CRISPLD1: variants seen among roughly 807,000 people sequenced by gnomAD.
The protein encoded by CRISPLD1 is cysteine-rich secretory protein LCCL domain-containing 1.
CRISPLD1 carries 60 observed loss-of-function variants against 77.5 expected under a neutral mutation model. That is an observed-to-expected ratio of 0.77 (90% CI 0.63 to 0.96). The LOEUF (loss-of-function observed/expected upper bound fraction) is 0.96, where lower values mean the gene tolerates loss of function less well. CRISPLD1 is among the 40% of genes least tolerant of loss of function. CRISPLD1 has a pLI of 0.00. For missense variants in CRISPLD1, 623 were observed against 615.8 expected (o/e 1.01, Z -0.12); for synonymous variants, 195 against 200.1 (o/e 0.97, Z 0.22).
chr8:75,016,866 T>G lies in CRISPLD1; in HGVS notation c.869-15T>G. ...TTATATTATTTAAGTTATTTAGGTA[T>G]TTTTTTCTTTGTAGCCCAAATTGTT... On this transcript the variant is annotated splice_polypyrimidine_tract_variant and intron_variant, in intron 7 of 14. Transcript: ENST00000262207. The G allele has an allele frequency of 6.4e-7, 1 of 1,556,084 alleles. No homozygotes were observed. Among genetic ancestry groups the G allele is most frequent in the Non-Finnish European group, 8.7e-7 (1 of 1,148,884 alleles).
At position 75,016,915 on chromosome 8, in the gene CRISPLD1, T is replaced by C; in HGVS notation, c.903T>C (p.Asp301=). ...QIVSCEVRLR[D]QCKGTTCNRY... ...TTTCTTGTGAAGTAAGATTAAGAGA[T>C]CAGTGCAAAGGAACAACCTGCAATA... The change falls in exon 8 of 15, where the codon GAT becomes GAC. Residue 301 remains aspartate (D), a synonymous_variant. Transcript: ENST00000262207. 6.4e-7 allele frequency: 1 copy of C among 1,572,848 alleles called. No homozygotes were observed. Among genetic ancestry groups the C allele is most frequent in the Non-Finnish European group, 8.6e-7 (1 of 1,157,696 alleles).
In CRISPLD1 at chr8:74,986,006, G is replaced by C; in HGVS notation, c.19G>C (p.Glu7Gln). Residue 7 changes from glutamate (E) to glutamine (Q), a missense_variant, in exon 2 of 15, where the codon GAG (glutamate) becomes CAG (glutamine). Transcript: ENST00000262207. ...ATTCATTATGAAGTGTACCGCGCGG[G>C]AGTGGCTCAGAGTAACCACAGTGCT... The part of the protein sequence containing the change: MKCTAR[E>Q]WLRVTTVLFM... The C allele has an allele frequency of 6.2e-7, 1 of 1,614,072 alleles. No homozygotes were observed. The highest frequency in any genetic ancestry group is 8.5e-7 in the Non-Finnish European group (1 of 1,179,950).
chr8:75,025,723 A>G (rs536161644), intron 13 of CRISPLD1, 102 bp downstream of exon 13: 56 of 466,648 alleles, frequency 1.2e-4, no homozygotes, highest in African/African-American at 1.0e-3. Flanking sequence ...GAGCGAAGAA[A>G]CAGACTTTGT....
At chr8:74,998,912 C>A (rs1299208238) in intron 2 of CRISPLD1, among the ~76,000 whole-genome samples, 1 of 151,728 alleles carries the variant, frequency 6.6e-6, no homozygotes. Flanking sequence ...ACGAGATAAT[C>A]AAAGACATGT....
At chr8:75,004,994 A>G (rs148171202) in intron 2 of CRISPLD1, among the ~76,000 whole-genome samples, 3 of 152,258 alleles carry the variant, frequency 2.0e-5, no homozygotes, top group African/African-American at 7.2e-5. Flanking sequence ...TGTTGTATTT[A>G]TCTGTTATTA....
chr8:75,009,149 A>C (rs1023727604), intron 2 of CRISPLD1, among the ~76,000 whole-genome samples: 1 of 152,036 alleles, frequency 6.6e-6, no homozygotes, highest in Admixed American at 6.6e-5. Flanking sequence ...GAGGTGTCTC[A>C]TGATTGCCCT....
In CRISPLD1 at chr8:75,017,102, C is replaced by T. The variant is rs1396155374; in HGVS notation, c.985C>T (p.His329Tyr). ...DSKAKVIGSV[H>Y]YEMQSSICRA... The stretch of plus-strand genomic sequence containing the variant: ...TAAAGCTAAAGTTATTGGCAGTGTA[C>T]ATTATGAAATGGTAAGTGTTATAAA... The change falls in exon 9 of 15, where the codon CAT (histidine) becomes TAT (tyrosine). Residue 329 changes from histidine to tyrosine, a missense_variant. Transcript: ENST00000262207. 19 of 1,610,750 alleles carry T rather than the reference C, an allele frequency of 1.2e-5. No individual in the cohort carries two copies. The highest frequency in any genetic ancestry group is 3.3e-4 in the Middle Eastern group (2 of 6,014).
intron 12 of CRISPLD1, among the ~76,000 whole-genome samples, chr8:75,021,712 T>C (rs184604762): frequency 1.1e-4 from 16 of 152,272 alleles, no homozygotes; most frequent in African/African-American, 3.8e-4. Context: ...AATATTTTTT[T>C]CAGAATTCTC....
intron 2 of CRISPLD1, among the ~76,000 whole-genome samples, chr8:75,011,133 T>C (rs1587015831): frequency 6.6e-6 from 1 of 151,728 alleles, no homozygotes; most frequent in East Asian, 1.9e-4. Context: ...TTTATTATTA[T>C]TATTATTATA....
Position 75,032,173 on chromosome 8 carries a change from TA to T in CRISPLD1, c.1452-17del, listed in dbSNP as rs745883375. Reference sequence around the variant, plus strand: ...AGATGACATCAATATACTTTTCATATATTTTTTTTTTTTGCAGTTTACAGAA... The same window carrying T: ...AGATGACATCAATATACTTTTCATATTTTTTTTTTTTTGCAGTTTACAGAA... On this transcript the variant is annotated splice_polypyrimidine_tract_variant and intron_variant, in intron 14 of 14. Coordinates refer to ENST00000262207, the MANE Select transcript of CRISPLD1 (RefSeq NM_031461.6). The T allele has an allele frequency of 1.2e-4, 179 of 1,528,188 alleles. No homozygotes were observed. The highest frequency in any genetic ancestry group is 3.1e-4 in the South Asian group (27 of 86,290). 94.7% of individuals were successfully genotyped at this position (1,528,188 alleles called of 1,614,324 possible).
chr8:75,022,795 A>G (rs1176184053), intron 12 of CRISPLD1, among the ~76,000 whole-genome samples: 4 of 152,022 alleles, frequency 2.6e-5, no homozygotes, highest in African/African-American at 4.8e-5. Flanking sequence ...GCTCAAGAAG[A>G]CCTTGAAGAA....
intron 2 of CRISPLD1, among the ~76,000 whole-genome samples, chr8:74,999,582 G>A (rs999335432): frequency 1.3e-5 from 2 of 152,088 alleles, no homozygotes; most frequent in Admixed American, 6.6e-5. Flanking sequence ...TGTGGTGGCC[G>A]CTGTTCTAGC....
chr8:75,001,933 A>T (rs895321521), intron 2 of CRISPLD1, among the ~76,000 whole-genome samples: 5 of 152,216 alleles, frequency 3.3e-5, no homozygotes, highest in African/African-American at 1.2e-4. Flanking sequence ...AATTATTTCC[A>T]AACTTTGAGT....
In CRISPLD1 at chr8:75,012,454, A is replaced by G. The variant is rs1365661988; in HGVS notation, c.280A>G (p.Arg94Gly). ...EYMTWDVELE[R>G]SAESWAESCL... ...GTAGACATGGGATGTAGAGCTGGAAAGATCTGCAGAATCCTGGGCTGAAAG... is the reference window on the plus strand; with the variant it reads ...GTAGACATGGGATGTAGAGCTGGAAGGATCTGCAGAATCCTGGGCTGAAAG... The change falls in exon 3 of 15, where the codon AGA becomes GGA. Residue 94 changes from arginine (R) to glycine (G), a missense_variant. By Grantham distance (125) the Arg-to-Gly change is moderately radical. Coordinates refer to ENST00000262207, the MANE Select transcript of CRISPLD1 (RefSeq NM_031461.6). The G allele has an allele frequency of 1.2e-6, 2 of 1,612,466 alleles. No individual in the cohort carries two copies. The highest frequency in any genetic ancestry group is 1.1e-5 in the South Asian group (1 of 91,052).
rs755789869 is a variant in CRISPLD1, at chr8:75,034,048, C to T, written c.*1806C>T. On this transcript the variant is annotated 3_prime_UTR_variant, in exon 15 of 15. Transcript: ENST00000262207. Reference sequence around the variant, plus strand: ...AGATCTCCATCATCAATTCCACTTACTATTGTAATACCTTCAGCTGGAGCC... The same window carrying T: ...AGATCTCCATCATCAATTCCACTTATTATTGTAATACCTTCAGCTGGAGCC... The T allele has an allele frequency of 1.3e-5, 2 of 152,060 alleles. No individual in the cohort carries two copies. Among genetic ancestry groups the T allele is most frequent in the Admixed American group, 1.3e-4 (2 of 15,266 alleles). 9.4% of individuals were successfully genotyped at this position (152,060 alleles called of 1,614,324 possible).
intron 2 of CRISPLD1, among the ~76,000 whole-genome samples, chr8:75,011,847 A>G (rs1233658433): frequency 6.6e-6 from 1 of 152,150 alleles, no homozygotes; most frequent in African/African-American, 2.4e-5. Context: ...TCTCATGAAA[A>G]AGATAGATAT....
intron 2 of CRISPLD1, among the ~76,000 whole-genome samples, chr8:75,008,320 T>A (rs1420572843): frequency 6.6e-6 from 1 of 152,116 alleles, no homozygotes; most frequent in Non-Finnish European, 1.5e-5. Context: ...TTCAGAGGAA[T>A]TAAAAAAGAA....
chr8:75,015,032 C>G (rs1813004306), intron 6 of CRISPLD1, 120 bp downstream of exon 6: 3 of 486,158 alleles, frequency 6.2e-6, no homozygotes, highest in South Asian at 4.8e-5. Context: ...ATCTAGAACT[C>G]TATTTCAAAT....
At chr8:75,025,950 A>G (rs1813227459) in intron 13 of CRISPLD1, among the ~76,000 whole-genome samples, 1 of 152,204 alleles carries the variant, frequency 6.6e-6, no homozygotes, top group African/African-American at 2.4e-5. Flanking sequence ...TCTGAACTGG[A>G]TAATTAAGAA....
Sources: allele counts gnomAD v4.1 joint callset (sites outside exome capture counted in the v4.1 genomes callset), GRCh38; gene constraint gnomAD v4.1.1; transcripts MANE v1.5; gene names NCBI Gene and HGNC (gene_info 2026-07-23, HGNC 2026-07-21).